CMSS1: variants seen among roughly 807,000 people sequenced by gnomAD.
CMSS1 encodes cms1 ribosomal small subunit homolog, also known as protein CMSS1.
CMSS1 carries 33 observed loss-of-function variants against 43.5 expected under a neutral mutation model. The ratio of observed to expected loss-of-function variants is 0.76; its 90% confidence interval spans 0.57 to 1.01. The LOEUF (loss-of-function observed/expected upper bound fraction) is 1.01, where lower values mean the gene tolerates loss of function less well. Among genes scored for constraint, CMSS1 ranks in the 50% least tolerant of loss-of-function variants. The pLI, the probability that CMSS1 is intolerant of heterozygous loss-of-function variation, is 0.00. For missense variants in CMSS1, 313 were observed against 326.4 expected, an observed-to-expected ratio of 0.96 and a Z score of 0.32; for synonymous variants, 115 against 117.2, an observed-to-expected ratio of 0.98 and a Z score of 0.12.
chr3:100,094,389 A>G (rs191408871), intron 1 of CMSS1, among the ~76,000 whole-genome samples: 6 of 152,244 alleles, frequency 3.9e-5, no homozygotes, highest in Admixed American at 1.3e-4. Context: ...TATTATTTTC[A>G]TTCCCTTAAC....
At chr3:99,849,217 C>G (rs201546638) in intron 1 of CMSS1, 1 of 1,614,106 alleles carries the variant, frequency 6.2e-7, no homozygotes, top group Non-Finnish European at 8.5e-7. Context: ...GATGACTGCA[C>G]GTTCCAGAGG....
chr3:100,122,538 A>G (rs1217926491), intron 1 of CMSS1, among the ~76,000 whole-genome samples: 6 of 152,186 alleles, frequency 3.9e-5, no homozygotes, highest in Admixed American at 3.9e-4. Context: ...ACATTGTGCT[A>G]TTCATTCTTA....
At chr3:99,832,303 T>A (rs1268525540) in intron 1 of CMSS1, among the ~76,000 whole-genome samples, 2 of 148,786 alleles carry the variant, frequency 1.3e-5, no homozygotes, top group African/African-American at 5.0e-5. Context: ...CGATATCGGC[T>A]CACTGCAAGC....
rs531877391 is a variant in CMSS1, at chr3:99,862,983, C to A, written c.64+44940C>A. 1.6e-4 allele frequency among the ~76,000 whole-genome samples: 24 copies of A among 152,300 alleles called. 1 individual carries two copies. Among genetic ancestry groups the A allele is most frequent in the Admixed American group, 1.6e-3 (24 of 15,300 alleles). On this transcript the variant is annotated intron_variant, in intron 1 of 9. Coordinates refer to ENST00000421999, the MANE Select transcript of CMSS1 (RefSeq NM_032359.4). ...CTCTGCTCATCTTACTCCTGCTCTT[C>A]ATTTTTTGGATGTGAATGTGTACTT...
chr3:100,051,277 A>G (rs1221125869), intron 1 of CMSS1: 2 of 152,170 alleles, frequency 1.3e-5, no homozygotes, highest in African/African-American at 2.4e-5. Flanking sequence ...ATGCTGTGCA[A>G]TTAGAATAAT....
intron 1 of CMSS1, among the ~76,000 whole-genome samples, chr3:99,833,968 G>A (rs779644379): frequency 6.6e-6 from 1 of 152,212 alleles, no homozygotes; most frequent in Non-Finnish European, 1.5e-5. Context: ...ATGAAAAGAA[G>A]GAAATGCTAA....
intron 1 of CMSS1, among the ~76,000 whole-genome samples, chr3:100,117,750 C>CTT (rs35951604): frequency 7.3e-6 from 1 of 137,382 alleles, no homozygotes; most frequent in African/African-American, 2.7e-5. Context: ...AACAGATACA[C>CTT]TTTTTTTTTT....
intron 1 of CMSS1, among the ~76,000 whole-genome samples, chr3:100,003,726 G>T (rs1030026771): frequency 6.6e-6 from 1 of 152,096 alleles, no homozygotes; most frequent in African/African-American, 2.4e-5. Flanking sequence ...ACTTGATCTA[G>T]TGTCTGCCTC....
intron 1 of CMSS1, chr3:99,874,198 T>C (rs1051720697): frequency 6.6e-6 from 1 of 152,170 alleles, no homozygotes; most frequent in Non-Finnish European, 1.5e-5. Context: ...TAAAAGACAC[T>C]GGGAAACACA....
chr3:100,002,210 T>G (rs1218364297), intron 1 of CMSS1, among the ~76,000 whole-genome samples: 2 of 152,210 alleles, frequency 1.3e-5, no homozygotes, highest in African/African-American at 2.4e-5. Context: ...GCTGGGTAAA[T>G]CACGCACAGA....
intron 1 of CMSS1, among the ~76,000 whole-genome samples, chr3:100,001,169 G>C (rs1349415732): frequency 6.6e-6 from 1 of 152,196 alleles, no homozygotes; most frequent in Admixed American, 6.5e-5. Flanking sequence ...AAATTTAGTA[G>C]TAGTAGCCAT....
intron 1 of CMSS1, among the ~76,000 whole-genome samples, chr3:100,056,993 G>C (rs548916271): frequency 1.3e-5 from 2 of 152,076 alleles, no homozygotes; most frequent in African/African-American, 4.8e-5. Flanking sequence ...AACAGAGCGA[G>C]ACTCTGTCTC....
chr3:100,078,656 C>A (rs1432119510), intron 1 of CMSS1, among the ~76,000 whole-genome samples: 2 of 151,954 alleles, frequency 1.3e-5, no homozygotes, highest in Non-Finnish European at 2.9e-5. Context: ...TTTGGGAGGC[C>A]GAGGCAGGCA....
At chr3:100,087,624 A>G (rs1460120569) in intron 1 of CMSS1, among the ~76,000 whole-genome samples, 1 of 152,024 alleles carries the variant, frequency 6.6e-6, no homozygotes, top group East Asian at 1.9e-4. Context: ...TATTCTGAAT[A>G]CAATTCTTTT....
rs139874292 is a variant in CMSS1, at chr3:99,937,083, G to A, written c.64+119040G>A. 3.0e-3 allele frequency among the ~76,000 whole-genome samples: 450 copies of A among 151,942 alleles called. 2 individuals are homozygous for A. The highest frequency in any genetic ancestry group is 0.01 in the African/African-American group (417 of 41,438). Reference sequence around the variant, plus strand: ...CTCCCAAGTAGCTGGGATTACAGGCGCCTGCCATCATGTGGCTAATTTTTT... The same window carrying A: ...CTCCCAAGTAGCTGGGATTACAGGCACCTGCCATCATGTGGCTAATTTTTT... On this transcript the variant is annotated intron_variant, in intron 1 of 9. Coordinates refer to ENST00000421999, the MANE Select transcript of CMSS1 (RefSeq NM_032359.4).
chr3:100,062,629 G>C (rs2065593588), intron 1 of CMSS1, among the ~76,000 whole-genome samples: 1 of 152,160 alleles, frequency 6.6e-6, no homozygotes, highest in South Asian at 2.1e-4. Flanking sequence ...TCTGCTGCCT[G>C]TCTTTTAACA....
At chr3:100,045,631 C>T (rs1013145729) in intron 1 of CMSS1, among the ~76,000 whole-genome samples, 3 of 152,132 alleles carry the variant, frequency 2.0e-5, no homozygotes, top group Admixed American at 2.0e-4. Flanking sequence ...GGTTCTTCAT[C>T]TTGGTGGGTT....
In CMSS1 at chr3:100,059,394, C is replaced by G. The variant is rs80205083; in HGVS notation, c.65-87579C>G. On this transcript the variant is annotated intron_variant, in intron 1 of 9. Transcript: ENST00000421999. ...TCCTTGTCCGTGGCTTGCTTTTAGC[C>G]TCATCTCCGTGATCATCACTGCTTT... 5.8e-3 allele frequency among the ~76,000 whole-genome samples: 876 copies of G among 152,262 alleles called. 11 individuals carry two copies. The highest frequency in any genetic ancestry group is 0.016 in the African/African-American group (675 of 41,544).
rs560928329 is a variant in CMSS1, at chr3:99,842,558, C to A, written c.64+24515C>A. 5.7e-4 allele frequency among the ~76,000 whole-genome samples: 85 copies of A among 149,392 alleles called. 1 individual carries two copies. The highest frequency in any genetic ancestry group is 7.1e-3 in the Middle Eastern group (2 of 280). On this transcript the variant is annotated intron_variant, in intron 1 of 9. Coordinates refer to ENST00000421999, the MANE Select transcript of CMSS1 (RefSeq NM_032359.4). ...TAACCCCTCAAATATCATACCAGGA[C>A]CATTTGGCTATGAGGAGGAAGAAGA...
Sources: gnomAD v4.1 joint callset for allele counts (sites outside exome capture counted in the v4.1 genomes callset) on GRCh38, gnomAD v4.1.1 for gene constraint, MANE v1.5 for transcripts, NCBI Gene and HGNC (gene_info 2026-07-23, HGNC 2026-07-21) for gene names.